SLC16A6: variants seen among roughly 807,000 people sequenced by gnomAD.
SLC16A6 encodes the protein monocarboxylate transporter 7.
SLC16A6 carries 15 observed loss-of-function variants against 33.8 expected under a neutral mutation model. The ratio of observed to expected loss-of-function variants is 0.44; its 90% confidence interval spans 0.30 to 0.68. The LOEUF is 0.68. Ranked by LOEUF, SLC16A6 falls within the 30% of genes least tolerant of loss-of-function variation. SLC16A6 has a pLI of 0.10. For synonymous variants in SLC16A6, 219 were observed against 248.4 expected (o/e 0.88, Z 1.11); for missense variants, 451 against 661.5 (o/e 0.68, Z 3.49).
At chr17:68,269,525 A>G (rs1409383075) in intron 5 of SLC16A6, among the ~76,000 whole-genome samples, 179 bp from the exon 6 acceptor site, 1 of 143,954 alleles carries the variant, frequency 6.9e-6, no homozygotes, top group Admixed American at 7.2e-5. Context: ...GGAGAAAGAG[A>G]CAAACACCCA....
chr17:68,287,325 C>T (rs1336615437), intron 1 of SLC16A6, among the ~76,000 whole-genome samples: 1 of 151,376 alleles, frequency 6.6e-6, no homozygotes, highest in African/African-American at 2.4e-5. Context: ...CCTTCTTCTT[C>T]TTCTTTTTTT....
intron 1 of SLC16A6, among the ~76,000 whole-genome samples, chr17:68,281,403 C>T (rs1555752770): frequency 6.6e-6 from 1 of 151,800 alleles, no homozygotes; most frequent in Admixed American, 6.6e-5. Flanking sequence ...CCCGTCTCTA[C>T]TAAAAATACA....
At chr17:68,280,851 T>A (rs528600361) in intron 1 of SLC16A6, among the ~76,000 whole-genome samples, 1 of 152,094 alleles carries the variant, frequency 6.6e-6, no homozygotes, top group Non-Finnish European at 1.5e-5. Flanking sequence ...TGAGGCCAGA[T>A]GTAGTGTGTC....
chr17:68,274,890 C>T (rs981840545), intron 2 of SLC16A6, among the ~76,000 whole-genome samples: 12 of 151,950 alleles, frequency 7.9e-5, no homozygotes, highest in African/African-American at 1.9e-4. Context: ...AACTGATTCT[C>T]CTGCCTCAGC....
At chr17:68,288,166 T>TC (rs1336440399) in intron 1 of SLC16A6, among the ~76,000 whole-genome samples, 2 of 151,786 alleles carry the variant, frequency 1.3e-5, no homozygotes, top group East Asian at 3.9e-4. Flanking sequence ...CCGGCTGATT[T>TC]TTTTTTTGTA....
intron 2 of SLC16A6, among the ~76,000 whole-genome samples, chr17:68,275,448 GC>G (rs1189946979): frequency 2.0e-5 from 3 of 152,132 alleles, no homozygotes; most frequent in Non-Finnish European, 2.9e-5. Flanking sequence ...ATCATTTTGA[GC>G]CAGGATGTTG....
intron 1 of SLC16A6, among the ~76,000 whole-genome samples, chr17:68,279,166 GAC>G (rs1322957518): frequency 5.3e-5 from 8 of 152,072 alleles, no homozygotes; most frequent in African/African-American, 1.9e-4. Context: ...AGACTGAATT[GAC>G]CATAAGGAAT....
Position 68,283,878 on chromosome 17 carries a change from C to CAAAAA in SLC16A6, c.-7-5556_-7-5552dup, listed in dbSNP as rs58291216. On this transcript the variant is annotated intron_variant, in intron 1 of 5. Coordinates refer to ENST00000580666, the MANE Select transcript of SLC16A6 (RefSeq NM_004694.5). Reference sequence around the variant, plus strand: ...GGGCAAAAAGAGCAAAACTCCGTCTCAAAAAAAAAAAAAAAAAAAGACCAG... The same window carrying CAAAAA: ...GGGCAAAAAGAGCAAAACTCCGTCTCAAAAAAAAAAAAAAAAAAAAAAAAGACCAG... Among the ~76,000 whole-genome samples, 491 of 55,304 alleles carry CAAAAA rather than the reference C, an allele frequency of 8.9e-3. 15 individuals carry two copies. Among genetic ancestry groups the CAAAAA allele is most frequent in the East Asian group, 0.033 (60 of 1,844 alleles). The allele number at this position is 55,304 out of a possible 152,430, so 36.3% of individuals were successfully genotyped here.
intron 1 of SLC16A6, among the ~76,000 whole-genome samples, chr17:68,283,345 C>A (rs1555753437): frequency 6.6e-6 from 1 of 151,412 alleles, no homozygotes; most frequent in Non-Finnish European, 1.5e-5. Context: ...ACGATGAAAC[C>A]CCGTCTCTAC....
chr17:68,283,393 C>T (rs1477430638), intron 1 of SLC16A6, among the ~76,000 whole-genome samples: 4 of 151,770 alleles, frequency 2.6e-5, no homozygotes, highest in Non-Finnish European at 5.9e-5. Context: ...TGGTGGCGGG[C>T]GCCTGTAGTC....
chr17:68,273,981 C>T lies in SLC16A6; in HGVS notation c.322G>A (p.Ala108Thr), dbSNP rs782692886. 85 of 1,613,966 alleles carry T rather than the reference C, an allele frequency of 5.3e-5. No homozygotes were observed. The highest frequency in any genetic ancestry group is 6.3e-5 in the Non-Finnish European group (74 of 1,180,028). Residue 108 changes from alanine to threonine, a missense_variant, in exon 3 of 6, where the codon GCC becomes ACC. Physicochemically the swap from Ala to Thr is moderately conservative, Grantham distance 58. This residue lies in a region of SLC16A6 where 405 missense variants were observed against 510.7 expected (regional missense o/e 0.79). Transcript: ENST00000580666. ...GLLVSTGMVA[A>T]SFSQEVSHMY... is the part of the protein sequence containing the mutation. ...TGAGAAACCTCTTGTGAGAAGGAGGCGGCCACCATCCCGGTGCTGACAAGT... is the reference window on the plus strand; with the variant it reads ...TGAGAAACCTCTTGTGAGAAGGAGGTGGCCACCATCCCGGTGCTGACAAGT...
intron 1 of SLC16A6, among the ~76,000 whole-genome samples, chr17:68,289,891 A>C (rs1202183672): frequency 2.0e-5 from 3 of 152,134 alleles, no homozygotes; most frequent in Admixed American, 2.0e-4. Context: ...ACACACTGTA[A>C]GTTCCTATTT....
intron 1 of SLC16A6, among the ~76,000 whole-genome samples, chr17:68,289,074 G>A (rs1407349746): frequency 2.6e-5 from 4 of 152,070 alleles, no homozygotes; most frequent in Non-Finnish European, 5.9e-5. Context: ...GGCCGGGTGC[G>A]GTAGCTCATG....
chr17:68,273,013 T>C (rs2075391697), intron 3 of SLC16A6, among the ~76,000 whole-genome samples: 1 of 152,134 alleles, frequency 6.6e-6, no homozygotes, highest in South Asian at 2.1e-4. Flanking sequence ...TTGCAACACT[T>C]TTTTTCAAAT....
chr17:68,286,716 G>A (rs971849212), intron 1 of SLC16A6, among the ~76,000 whole-genome samples: 2 of 152,114 alleles, frequency 1.3e-5, no homozygotes, highest in Non-Finnish European at 2.9e-5. Flanking sequence ...TGTTAGCTAG[G>A]CTGGTCTCGA....
At chr17:68,291,237 G>A (rs1382882287), upstream of SLC16A6, 1 of 151,382 alleles carries the variant, frequency 6.6e-6, no homozygotes, top group Non-Finnish European at 1.5e-5. Context: ...TCGGGCTGGT[G>A]AGGCCCGAGC....
At chr17:68,276,408 G>A (rs1267652957) in intron 2 of SLC16A6, among the ~76,000 whole-genome samples, 4 of 152,124 alleles carry the variant, frequency 2.6e-5, no homozygotes, top group African/African-American at 7.2e-5. Context: ...GTGTGTAAGT[G>A]TAAACTTAGG....
intron 1 of SLC16A6, among the ~76,000 whole-genome samples, chr17:68,285,857 T>G (rs1256103408): frequency 6.6e-6 from 1 of 151,852 alleles, no homozygotes; most frequent in Non-Finnish European, 1.5e-5. Flanking sequence ...ATCCCCCAGG[T>G]TCAAGCAATT....
At chr17:68,288,099 C>T (rs560677090) in intron 1 of SLC16A6, among the ~76,000 whole-genome samples, 16 of 151,216 alleles carry the variant, frequency 1.1e-4, no homozygotes, top group Admixed American at 3.9e-4. Context: ...CGGGTTCAAG[C>T]GACTCTCCTG....
Sources: allele counts gnomAD v4.1 joint callset (sites outside exome capture counted in the v4.1 genomes callset), GRCh38; gene constraint gnomAD v4.1.1; regional missense constraint gnomAD v4.1.1; transcripts MANE v1.5; gene names NCBI Gene and HGNC (gene_info 2026-07-23, HGNC 2026-07-21).